BLTP1: variants seen among roughly 807,000 people sequenced by gnomAD.
BLTP1 encodes fragile site-associated protein.
the BLTP1 span, chr4:122,179,956 T>G: frequency 1.0e-6 from 1 of 984,322 alleles, no homozygotes; most frequent in South Asian, 4.7e-5. Context: ...TGTCCCCTCA[T>G]AAACAAGTAT....
the BLTP1 span, chr4:122,186,357 ATAAT>A: frequency 2.3e-6 from 1 of 429,122 alleles, no homozygotes; most frequent in Non-Finnish European, 3.8e-6. Flanking sequence ...AGTAACATAA[ATAAT>A]TATATAATTA....
chr4:122,218,529 C>T, the BLTP1 span, among the ~76,000 whole-genome samples: 3 of 152,128 alleles, frequency 2.0e-5, no homozygotes, highest in Non-Finnish European at 4.4e-5. Flanking sequence ...GTCCATAACT[C>T]TAGTCAGAAG....
At chr4:122,169,380 A>G in the BLTP1 span, among the ~76,000 whole-genome samples, 1 of 152,224 alleles carries the variant, frequency 6.6e-6, no homozygotes, top group Admixed American at 6.5e-5. Flanking sequence ...TTTACTGCAG[A>G]AAAAATTTGC....
the BLTP1 span, among the ~76,000 whole-genome samples, chr4:122,354,794 G>A: frequency 1.3e-5 from 2 of 151,506 alleles, no homozygotes; most frequent in Admixed American, 1.3e-4. Context: ...AGCCTCCTGA[G>A]TAGCTGGGAT....
chr4:122,230,918 A>G, the BLTP1 span, among the ~76,000 whole-genome samples: 2 of 152,124 alleles, frequency 1.3e-5, no homozygotes, highest in Admixed American at 1.3e-4. Flanking sequence ...CATCCTGTAT[A>G]TACAGTTTAA....
chr4:122,307,639 T>C, the BLTP1 span: 3 of 985,310 alleles, frequency 3.0e-6, no homozygotes, highest in Non-Finnish European at 3.6e-6. Context: ...CTGTTTTCAT[T>C]TGTTATTCCA....
the BLTP1 span, among the ~76,000 whole-genome samples, chr4:122,296,915 TAACTC>T: frequency 6.6e-6 from 1 of 152,120 alleles, no homozygotes; most frequent in Non-Finnish European, 1.5e-5. Flanking sequence ...ATACAAAAAT[TAACTC>T]AAGATGGATT....
At chr4:122,258,749 C>T in the BLTP1 span, 1 of 1,613,944 alleles carries the variant, frequency 6.2e-7, no homozygotes, top group East Asian at 2.2e-5. Flanking sequence ...GCTAACCGGC[C>T]TCCACCTGGT....
At chr4:122,246,062 G>A in the BLTP1 span, 5 of 1,392,376 alleles carry the variant, frequency 3.6e-6, no homozygotes, top group Non-Finnish European at 4.7e-6. Context: ...GATAGGCATA[G>A]AGGGGCAGCG....
the BLTP1 span, chr4:122,271,081 C>T: frequency 6.2e-7 from 1 of 1,613,794 alleles, no homozygotes; most frequent in Non-Finnish European, 8.5e-7. Context: ...GAACCTTTAG[C>T]ATCAGTGCTG....
chr4:122,314,649 C>A, the BLTP1 span, among the ~76,000 whole-genome samples: 1 of 152,068 alleles, frequency 6.6e-6, no homozygotes, highest in Non-Finnish European at 1.5e-5. Flanking sequence ...TTTTCCTCCC[C>A]AAGCCTAGCC....
the BLTP1 span, chr4:122,209,017 A>T: frequency 1.1e-6 from 1 of 916,620 alleles, no homozygotes; most frequent in Non-Finnish European, 1.4e-6. Context: ...TAAATAATAC[A>T]ATAAAATAAA....
At chr4:122,346,109 A>T in the BLTP1 span, 1 of 540,294 alleles carries the variant, frequency 1.9e-6, no homozygotes, top group Non-Finnish European at 2.4e-6. Context: ...AACCCTATAG[A>T]AACTATGGTA....
At chr4:122,272,342 C>A in the BLTP1 span, 1 of 1,612,816 alleles carries the variant, frequency 6.2e-7, no homozygotes, top group Non-Finnish European at 8.5e-7. Context: ...TATTGGTGGA[C>A]TAACAATGGA....
At chr4:122,275,605 A>T in the BLTP1 span, among the ~76,000 whole-genome samples, 1 of 152,184 alleles carries the variant, frequency 6.6e-6, no homozygotes, top group Admixed American at 6.5e-5. Context: ...AAGGGCTTCC[A>T]ATAGTCTTTA....
chr4:122,262,675 T>C, the BLTP1 span: 2 of 1,456,614 alleles, frequency 1.4e-6, no homozygotes, highest in African/African-American at 2.8e-5. Context: ...AGCTAGCAGT[T>C]ATAGCAACAG....
the BLTP1 span, among the ~76,000 whole-genome samples, chr4:122,166,276 T>G: frequency 6.6e-6 from 1 of 152,208 alleles, no homozygotes; most frequent in African/African-American, 2.4e-5. Flanking sequence ...GGATCCAGTT[T>G]CAGCTTTCTA....
the BLTP1 span, among the ~76,000 whole-genome samples, chr4:122,268,178 T>C: frequency 6.6e-6 from 1 of 152,116 alleles, no homozygotes; most frequent in African/African-American, 2.4e-5. Flanking sequence ...ATTATAAATG[T>C]ATAGGGAAAT....
At chr4:122,210,552 G>T in the BLTP1 span, among the ~76,000 whole-genome samples, 1 of 152,064 alleles carries the variant, frequency 6.6e-6, no homozygotes, top group East Asian at 1.9e-4. Context: ...AAATTTTGTA[G>T]TTAGTGCCCA....
Sources: allele counts gnomAD v4.1 joint callset (sites outside exome capture counted in the v4.1 genomes callset), GRCh38; gene constraint gnomAD v4.1.1; transcripts MANE v1.5; gene names NCBI Gene and HGNC (gene_info 2026-07-23, HGNC 2026-07-21).